The following BTG4 variants were observed in gnomAD, a reference collection of about 807,000 sequenced individuals.
The protein encoded by BTG4 is BTG anti-proliferation factor 4, also known as protein BTG4.
In BTG4, 10 loss-of-function variants were observed where a neutral mutation model predicts 19.3. The observed-to-expected ratio is 0.52, with a 90% confidence interval of 0.32 to 0.88. The LOEUF is 0.88. BTG4 is among the 40% of genes least tolerant of loss of function. BTG4 has a pLI of 0.04. For synonymous variants in BTG4, 91 were observed against 95.7 expected, an observed-to-expected ratio of 0.95 and a Z score of 0.29; for missense variants, 238 against 281.9, an observed-to-expected ratio of 0.84 and a Z score of 1.11.
intron 5 of BTG4, among the ~76,000 whole-genome samples, chr11:111,484,713 C>G (rs1381446573): frequency 6.6e-6 from 1 of 151,944 alleles, no homozygotes; most frequent in African/African-American, 2.4e-5. Context: ...CAAAGAAAGA[C>G]AGGAAGGAAA....
chr11:111,452,134 C>A, the BTG4 span, among the ~76,000 whole-genome samples: 1 of 152,238 alleles, frequency 6.6e-6, no homozygotes, highest in East Asian at 1.9e-4. Context: ...CCACACACAG[C>A]ATTTAGTATC....
chr11:111,405,286 C>G, the BTG4 span, among the ~76,000 whole-genome samples: 8 of 151,796 alleles, frequency 5.3e-5, no homozygotes, highest in Admixed American at 5.2e-4. Context: ...CACCTATAAT[C>G]CCAACTACTT....
the BTG4 span, among the ~76,000 whole-genome samples, chr11:111,419,905 A>T: frequency 3.5e-4 from 54 of 152,340 alleles, no homozygotes; most frequent in African/African-American, 1.3e-3. Context: ...AGAGTACGGG[A>T]TGTGAGCTTC....
chr11:111,488,397 C>G (rs1248996467), intron 5 of BTG4, among the ~76,000 whole-genome samples: 1 of 152,076 alleles, frequency 6.6e-6, no homozygotes, highest in Non-Finnish European at 1.5e-5. Flanking sequence ...GATATCCATA[C>G]ACGAAAGAAT....
chr11:111,483,659 G>A (rs1864876401), intron 5 of BTG4, among the ~76,000 whole-genome samples: 1 of 152,046 alleles, frequency 6.6e-6, no homozygotes, highest in South Asian at 2.1e-4. Context: ...GTTTGAGTCA[G>A]GCTACATGAA....
chr11:111,417,004 T>C, the BTG4 span: 1 of 152,238 alleles, frequency 6.6e-6, no homozygotes, highest in Non-Finnish European at 1.5e-5. Flanking sequence ...ATTAAGGTTG[T>C]CTGTGTACAT....
intron 5 of BTG4, among the ~76,000 whole-genome samples, chr11:111,478,659 C>CA (rs532710251): frequency 3.1e-4 from 47 of 151,580 alleles, no homozygotes; most frequent in Non-Finnish European, 2.4e-4. Flanking sequence ...AAAGTCACAG[C>CA]AAAAAAATCG....
chr11:111,437,602 C>T, the BTG4 span, among the ~76,000 whole-genome samples: 16 of 152,284 alleles, frequency 1.1e-4, 1 homozygote, highest in Middle Eastern at 3.4e-3. Flanking sequence ...CTGGAGGGGC[C>T]GGAGAGCCTC....
the BTG4 span, among the ~76,000 whole-genome samples, chr11:111,458,697 A>G: frequency 6.6e-6 from 1 of 151,940 alleles, no homozygotes; most frequent in African/African-American, 2.4e-5. Flanking sequence ...CCAAAACTCC[A>G]CCTCCCACCG....
downstream of BTG4, chr11:111,463,319 C>T (rs1863517700): frequency 6.6e-6 from 1 of 152,668 alleles, no homozygotes; most frequent in Non-Finnish European, 1.5e-5. Flanking sequence ...ATGATTGCCT[C>T]AAGAACCCCT....
At chr11:111,462,751 G>A (rs1310071898), downstream of BTG4, 2 of 152,490 alleles carry the variant, frequency 1.3e-5, no homozygotes, top group African/African-American at 2.4e-5. Context: ...GCAGGCAGCA[G>A]AAAAGCTTAG....
chr11:111,439,019 C>G, the BTG4 span, among the ~76,000 whole-genome samples: 1 of 152,158 alleles, frequency 6.6e-6, no homozygotes, highest in African/African-American at 2.4e-5. Context: ...TGGGTGTTAC[C>G]TGACTAGCAC....
At chr11:111,440,534 A>G in the BTG4 span, among the ~76,000 whole-genome samples, 1 of 152,176 alleles carries the variant, frequency 6.6e-6, no homozygotes, top group Non-Finnish European at 1.5e-5. Flanking sequence ...CAGAGACTCA[A>G]ACCAACATCC....
At chr11:111,445,686 C>T in the BTG4 span, among the ~76,000 whole-genome samples, 5 of 152,300 alleles carry the variant, frequency 3.3e-5, no homozygotes, top group South Asian at 4.1e-4. Flanking sequence ...TGAAAAGCAA[C>T]CTGAACTCTA....
chr11:111,498,356 A>G (rs1865865070), intron 2 of BTG4, among the ~76,000 whole-genome samples: 1 of 152,218 alleles, frequency 6.6e-6, no homozygotes, highest in African/African-American at 2.4e-5. Context: ...AAAATTAGTT[A>G]TCTTTCATGG....
chr11:111,496,892 G>GGAA (rs1555116054), intron 4 of BTG4: 1 of 276,372 alleles, frequency 3.6e-6, no homozygotes, highest in Non-Finnish European at 6.7e-6. Flanking sequence ...TCAATTGACA[G>GGAA]AAAAAAAAAT....
chr11:111,430,568 TA>T, the BTG4 span, among the ~76,000 whole-genome samples: 1 of 152,224 alleles, frequency 6.6e-6, no homozygotes. Flanking sequence ...TTAGCTACCT[TA>T]TTTAGGAATA....
chr11:111,452,687 T>C, the BTG4 span: 2 of 152,218 alleles, frequency 1.3e-5, no homozygotes, highest in South Asian at 4.1e-4. Context: ...GTTGCTAAGA[T>C]GCAAAGGTGA....
the BTG4 span, among the ~76,000 whole-genome samples, chr11:111,459,303 T>C: frequency 2.0e-5 from 3 of 152,176 alleles, no homozygotes; most frequent in Non-Finnish European, 4.4e-5. Flanking sequence ...ATATAACTTC[T>C]ACAGAGTCCT....
Sources: allele counts gnomAD v4.1 joint callset (sites outside exome capture counted in the v4.1 genomes callset), GRCh38; gene constraint gnomAD v4.1.1; transcripts MANE v1.5; gene names NCBI Gene and HGNC (gene_info 2026-07-23, HGNC 2026-07-21).